EPG5: variants seen among roughly 807,000 people sequenced by gnomAD.
EPG5 encodes the protein ectopic P-granules 5 autophagy tethering factor.
A neutral mutation model predicts 302.7 loss-of-function variants in EPG5; 159 were observed. The ratio of observed to expected loss-of-function variants is 0.53; its 90% CI spans 0.46 to 0.60. EPG5 has a LOEUF of 0.60. Ranked by LOEUF, EPG5 falls within the 20% of genes least tolerant of loss-of-function variation. EPG5 has a pLI of 0.00. For synonymous variants in EPG5, 1,158 were observed against 1,136.8 expected (o/e 1.02, Z -0.37); for missense variants, 2,896 against 3,092.4 (o/e 0.94, Z 1.51).
chr18:45,845,402 A>T (rs1390264071), downstream of EPG5, among the ~76,000 whole-genome samples: 1 of 152,122 alleles, frequency 6.6e-6, no homozygotes, highest in Non-Finnish European at 1.5e-5. Flanking sequence ...GCCTCCTGAT[A>T]AAGCCGCTGC....
chr18:45,964,765 C>T (rs1287974296), intron 1 of EPG5, among the ~76,000 whole-genome samples: 1 of 152,132 alleles, frequency 6.6e-6, no homozygotes, highest in Admixed American at 6.5e-5. Flanking sequence ...GTCTGGAGTT[C>T]GAGACCAGCC....
At chr18:45,877,945 G>C (rs951146504) in intron 34 of EPG5, among the ~76,000 whole-genome samples, 1 of 152,176 alleles carries the variant, frequency 6.6e-6, no homozygotes, top group African/African-American at 2.4e-5. Context: ...TCAAATGCTT[G>C]TGAAATAATG....
intron 24 of EPG5, among the ~76,000 whole-genome samples, chr18:45,905,287 AT>A (rs899656376): frequency 2.0e-5 from 3 of 152,008 alleles, no homozygotes; most frequent in African/African-American, 7.2e-5. Context: ...GTGGACCGTG[AT>A]TTTTTTTGGA....
intron 35 of EPG5, among the ~76,000 whole-genome samples, chr18:45,875,713 A>G (rs2048953912): frequency 6.6e-6 from 1 of 152,174 alleles, no homozygotes; most frequent in African/African-American, 2.4e-5. Flanking sequence ...CTGCAAATTT[A>G]CCATAACTGA....
At chr18:45,837,751 G>A in the EPG5 span, 2 of 1,517,150 alleles carry the variant, frequency 1.3e-6, no homozygotes, top group Admixed American at 3.9e-5. Context: ...TCCGGCTGCT[G>A]GGCAACCCGC....
intron 8 of EPG5, among the ~76,000 whole-genome samples, 172 bp from the exon 9 acceptor site, chr18:45,943,483 G>A (rs1446299291): frequency 6.6e-6 from 1 of 152,146 alleles, no homozygotes; most frequent in South Asian, 2.1e-4. Context: ...TTGAGACAAT[G>A]TGCCAAATTA....
chr18:45,919,522 T>C (rs2050106864), intron 16 of EPG5, among the ~76,000 whole-genome samples: 1 of 151,784 alleles, frequency 6.6e-6, no homozygotes, highest in Non-Finnish European at 1.5e-5. Context: ...TGGTTTTTTT[T>C]TTTTTTTTGA....
rs1410991160 is a variant in EPG5 at position 45,955,162 on chromosome 18, C to G, written c.240G>C (p.Met80Ile). The G allele has an allele frequency of 6.2e-7, 1 of 1,613,950 alleles. No individual in the cohort carries two copies. The highest frequency in any genetic ancestry group is 1.7e-5 in the Admixed American group (1 of 59,986). ...TTAAGGAGGTGAGTGGTACATCAAACATTTCACTCTCATTTTGTCCACTGG... is the reference window on the plus strand; with the variant it reads ...TTAAGGAGGTGAGTGGTACATCAAAGATTTCACTCTCATTTTGTCCACTGG... ...DDASGQNESE[M>I]FDVPLTSLTI... The change falls in exon 2 of 44, where the codon ATG becomes ATC. Residue 80 changes from methionine to isoleucine, a missense_variant. This residue lies in a region of EPG5 where 1,390 missense variants were observed against 1,430.0 expected (regional missense o/e 0.97). Coordinates refer to ENST00000282041, the MANE Select transcript of EPG5 (RefSeq NM_020964.3).
intron 1 of EPG5, among the ~76,000 whole-genome samples, chr18:45,965,680 T>C (rs1365753106): frequency 3.3e-5 from 5 of 152,232 alleles, no homozygotes; most frequent in Non-Finnish European, 1.5e-5. Context: ...ATTTCCCAAA[T>C]GTAAACTCTG....
rs1272061911 is a variant in EPG5 at position 45,880,148 on chromosome 18, C to T, written c.5594G>A (p.Cys1865Tyr). ...CTCGGTGGACGCTGCCCCCTGCTGG[C>T]AGCTGGGGGCGCAGCAGCCCAGGGC... ...LRALGCCAPS[C>Y]QQGAASTEGA... The change falls in exon 32 of 44, where the codon TGC (cysteine) becomes TAC (tyrosine). Residue 1865 changes from cysteine (C) to tyrosine (Y), a missense_variant. Physicochemically the swap from Cys to Tyr is radical, Grantham distance 194 (BLOSUM62 -2). This residue lies in a region of EPG5 where 790 missense variants were observed against 798.0 expected (regional missense o/e 0.99). Coordinates refer to ENST00000282041, the MANE Select transcript of EPG5 (RefSeq NM_020964.3). 2 of 1,611,548 alleles carry T rather than the reference C, an allele frequency of 1.2e-6. No individual in the cohort carries two copies. Among genetic ancestry groups the T allele is most frequent in the South Asian group, 2.2e-5 (2 of 90,942 alleles).
chr18:45,919,569 G>C (rs936281133), intron 16 of EPG5, among the ~76,000 whole-genome samples: 10 of 150,448 alleles, frequency 6.6e-5, no homozygotes, highest in African/African-American at 2.5e-4. Context: ...CTGGAGTGCA[G>C]TGGCGCAATC....
the EPG5 span, among the ~76,000 whole-genome samples, chr18:45,830,151 G>A: frequency 6.6e-6 from 1 of 152,242 alleles, no homozygotes; most frequent in African/African-American, 2.4e-5. Flanking sequence ...AGGTTCCCGT[G>A]CAAATTCCTG....
the EPG5 span, among the ~76,000 whole-genome samples, chr18:45,830,953 A>G: frequency 6.6e-6 from 1 of 152,138 alleles, no homozygotes; most frequent in African/African-American, 2.4e-5. Flanking sequence ...TTATCCAAGT[A>G]TCATTTTCAG....
intron 17 of EPG5, among the ~76,000 whole-genome samples, chr18:45,917,251 G>A (rs2145721327): frequency 6.6e-6 from 1 of 152,250 alleles, no homozygotes; most frequent in East Asian, 1.9e-4. Context: ...CCCTAGACAG[G>A]TTGTTCTCTT....
rs997958397 is a variant in EPG5, at chr18:45,884,670, C to T, written c.5251G>A (p.Val1751Met). ...CTGTTGTCCTCACTTAGAAACTTCA[C>T]CACTTGCTCATACAGCTGTATGAAC... ...AEFIQLYEQV[V>M]KFLSEDNSDM... is the part of the protein sequence containing the mutation. Residue 1751 changes from valine to methionine, a missense_variant, in exon 30 of 44, where the codon GTG (valine) becomes ATG (methionine). Physicochemically the swap from Val to Met is conservative, Grantham distance 21. This residue lies in a region of EPG5 where 790 missense variants were observed against 798.0 expected (regional missense o/e 0.99). Coordinates refer to ENST00000282041, the MANE Select transcript of EPG5 (RefSeq NM_020964.3). The T allele has an allele frequency of 8.1e-6, 13 of 1,610,338 alleles. No individual in the cohort carries two copies. The highest frequency in any genetic ancestry group is 1.3e-5 in the African/African-American group (1 of 74,578).
intron 35 of EPG5, among the ~76,000 whole-genome samples, chr18:45,875,812 T>C (rs750466685): frequency 1.3e-5 from 2 of 152,114 alleles, no homozygotes; most frequent in Non-Finnish European, 1.5e-5. Flanking sequence ...CCTAGCACTT[T>C]GGGAGGCCGA....
rs560232863 is a variant in EPG5 at position 45,900,626 on chromosome 18, T to C, written c.4646+370A>G. Among the ~76,000 whole-genome samples, 6 of 152,258 alleles carry C rather than the reference T, an allele frequency of 3.9e-5. No homozygotes were observed. In the South Asian group the frequency reaches 1.0e-3, roughly 26 times the overall value. ...ATTTATGTCAATTTCTTAAAGAATA[T>C]GGAGAAGTAGAGAGTACAGCAATGA... is the stretch of plus-strand genomic sequence containing the variant. On this transcript the variant is annotated intron_variant, in intron 26 of 43. Coordinates refer to ENST00000282041, the MANE Select transcript of EPG5 (RefSeq NM_020964.3).
At chr18:45,942,129 G>A (rs1416507828) in intron 9 of EPG5, among the ~76,000 whole-genome samples, 1 of 152,124 alleles carries the variant, frequency 6.6e-6, no homozygotes, top group African/African-American at 2.4e-5. Context: ...GGAGGCTGAG[G>A]TGGGAGAATG....
At chr18:45,893,749 G>A (rs1427610257) in intron 27 of EPG5, among the ~76,000 whole-genome samples, 1 of 152,108 alleles carries the variant, frequency 6.6e-6, no homozygotes, top group Non-Finnish European at 1.5e-5. Context: ...AGTAAGCAGT[G>A]TATAGTATTT....
Sources: gnomAD v4.1 joint callset for allele counts (sites outside exome capture counted in the v4.1 genomes callset) on GRCh38, gnomAD v4.1.1 for gene constraint, gnomAD v4.1.1 regional missense constraint, MANE v1.5 for transcripts, NCBI Gene and HGNC (gene_info 2026-07-23, HGNC 2026-07-21) for gene names.